Variants in TRHDE observed in about 807,000 individuals in gnomAD.
The protein encoded by TRHDE is thyrotropin-releasing hormone-degrading ectoenzyme.
TRHDE carries 72 observed loss-of-function variants against 125.7 expected under a neutral mutation model. The observed-to-expected ratio is 0.57, with a 90% confidence interval of 0.47 to 0.70. The LOEUF is 0.70. TRHDE is among the 30% of genes least tolerant of loss of function. TRHDE has a pLI of 0.00. For synonymous variants in TRHDE, 509 were observed against 509.1 expected, an observed-to-expected ratio of 1.00 and a Z score of 0.00; for missense variants, 1,110 against 1,327.1, an observed-to-expected ratio of 0.84 and a Z score of 2.54.
chr12:72,445,352 T>C (rs1408072363), intron 3 of TRHDE, among the ~76,000 whole-genome samples: 1 of 151,890 alleles, frequency 6.6e-6, no homozygotes, highest in East Asian at 1.9e-4. Context: ...GCCCTGTTCA[T>C]AGGTGTATTT....
chr12:72,638,978 G>C (rs1483114051), intron 15 of TRHDE, among the ~76,000 whole-genome samples: 1 of 151,312 alleles, frequency 6.6e-6, no homozygotes, highest in Non-Finnish European at 1.5e-5. Flanking sequence ...TGACAATTAT[G>C]TGTCTTGGAG....
intron 2 of TRHDE, among the ~76,000 whole-genome samples, chr12:72,187,310 A>AACACAC (rs59164233): frequency 0.03 from 3,873 of 131,260 alleles, 77 homozygotes; most frequent in East Asian, 0.039. Flanking sequence ...AGAGAAACAC[A>AACACAC]ACACACACAC....
chr12:72,532,611 T>C lies in TRHDE; in HGVS notation c.1723-9680T>C, dbSNP rs184449391. On this transcript the variant is annotated intron_variant, in intron 6 of 18. Transcript: ENST00000261180. ...TCTTATTATTTTGAATAAGAATGAA[T>C]GAATGCTAAGTAATATTAAATGGTT... Among the ~76,000 whole-genome samples the C allele has an allele frequency of 2.1e-3, 325 of 151,448 alleles. 2 individuals are homozygous for C. Among genetic ancestry groups the C allele is most frequent in the African/African-American group, 7.5e-3 (313 of 41,520 alleles).
intron 15 of TRHDE, among the ~76,000 whole-genome samples, chr12:72,635,978 C>T (rs1308303212): frequency 5.4e-4 from 80 of 149,340 alleles, no homozygotes; most frequent in African/African-American, 1.6e-3. Context: ...ATTGACTTGG[C>T]GATGTGGGCT....
Position 72,667,261 on chromosome 12 carries a change from T to C in TRHDE, c.*4066T>C, listed in dbSNP as rs1428548541. On this transcript the variant is annotated 3_prime_UTR_variant, in exon 19 of 19. Coordinates refer to ENST00000261180, the MANE Select transcript of TRHDE (RefSeq NM_013381.3). ...CCTGGGTACTCTCATGAAGTAACCA[T>C]GTACACCTAATAAAGAAATAGTAAA... 1 of 151,892 alleles carries C rather than the reference T, an allele frequency of 6.6e-6. No individual in the cohort carries two copies. Among genetic ancestry groups the C allele is most frequent in the Non-Finnish European group, 1.5e-5 (1 of 67,870 alleles). The allele number at this position is 151,892 out of a possible 1,614,324, so 9.4% of individuals were successfully genotyped here.
rs559928828 is a variant in TRHDE at position 72,156,237 on chromosome 12, A to T, written n.279+50485A>T. On this transcript the variant is annotated intron_variant and non_coding_transcript_variant, in intron 2 of 4. Coordinates refer to the TRHDE transcript ENST00000548156. ...TCCTGGTGTGCCGTTTGCTAAGATC[A>T]TTGGAAAAGCACAGTATTAGGGTGG... Among the ~76,000 whole-genome samples the T allele has an allele frequency of 2.8e-3, 420 of 152,292 alleles. 1 individual carries two copies. The highest frequency in any genetic ancestry group is 9.7e-3 in the African/African-American group (402 of 41,570).
chr12:72,600,474 A>C (rs551947378), intron 12 of TRHDE, among the ~76,000 whole-genome samples: 1 of 151,664 alleles, frequency 6.6e-6, no homozygotes, highest in South Asian at 2.1e-4. Flanking sequence ...CTTTCACCTT[A>C]TTGGCTAGAG....
intron 12 of TRHDE, among the ~76,000 whole-genome samples, chr12:72,604,544 G>A (rs1384063753): frequency 6.6e-6 from 1 of 151,680 alleles, no homozygotes; most frequent in African/African-American, 2.4e-5. Context: ...TTGTATCAGT[G>A]GTTCTCTTAC....
chr12:72,636,715 A>G (rs903713552), intron 15 of TRHDE, among the ~76,000 whole-genome samples: 1 of 152,048 alleles, frequency 6.6e-6, no homozygotes, highest in African/African-American at 2.4e-5. Flanking sequence ...TAGCATGAAG[A>G]GTTGTTGAAT....
At chr12:72,440,299 G>T (rs752776927) in intron 3 of TRHDE, among the ~76,000 whole-genome samples, 21 of 151,790 alleles carry the variant, frequency 1.4e-4, no homozygotes, top group Non-Finnish European at 2.2e-4. Context: ...ACTTTGAGAA[G>T]AATTAGTATT....
intron 3 of TRHDE, among the ~76,000 whole-genome samples, chr12:72,411,734 C>G (rs1281421900): frequency 6.6e-6 from 1 of 151,960 alleles, no homozygotes; most frequent in African/African-American, 2.4e-5. Flanking sequence ...TATCAGGTAT[C>G]AAAACATATT....
chr12:72,474,292 T>C (rs2135903927), intron 5 of TRHDE, among the ~76,000 whole-genome samples: 1 of 152,266 alleles, frequency 6.6e-6, no homozygotes, highest in Non-Finnish European at 1.5e-5. Context: ...GAACACAACA[T>C]AAGATCTGCC....
chr12:72,188,189 C>T (rs1399432188), intron 2 of TRHDE, among the ~76,000 whole-genome samples: 2 of 152,060 alleles, frequency 1.3e-5, no homozygotes, highest in African/African-American at 4.8e-5. Context: ...GGAGATGGAG[C>T]AAATTAAAGT....
Position 72,273,802 on chromosome 12 carries a change from T to C in TRHDE, c.914+245T>C, listed in dbSNP as rs1268669340. 6.1e-6 allele frequency: 3 copies of C among 490,528 alleles called. No homozygotes were observed. Among genetic ancestry groups the C allele is most frequent in the Non-Finnish European group, 1.1e-5 (3 of 274,408 alleles). The allele number at this position is 490,528 out of a possible 1,614,324, so 30.4% of individuals were successfully genotyped here. ...AAAAGATGAATGCTGCCCCCTCCTC[T>C]AGTCGGGACCTCTCCTCTTCCTGTC... is the stretch of plus-strand genomic sequence containing the variant. On this transcript the variant is annotated intron_variant, in intron 1 of 18. Coordinates refer to ENST00000261180, the MANE Select transcript of TRHDE (RefSeq NM_013381.3). The surrounding 1 kb of genome is among the most constrained non-coding windows in gnomAD (Gnocchi z 5.3).
intron 6 of TRHDE, among the ~76,000 whole-genome samples, chr12:72,517,632 G>A (rs1462345384): frequency 2.0e-5 from 3 of 151,988 alleles, no homozygotes; most frequent in Non-Finnish European, 4.4e-5. Flanking sequence ...GGTTTTTTGT[G>A]TCTCTATGTC....
chr12:72,524,666 A>T (rs539481981), intron 6 of TRHDE, among the ~76,000 whole-genome samples: 1 of 152,280 alleles, frequency 6.6e-6, no homozygotes, highest in African/African-American at 2.4e-5. Context: ...CCATCTGTGT[A>T]AATAATCTCA....
Position 72,513,930 on chromosome 12 carries a change from T to C in TRHDE, c.1722+14295T>C, listed in dbSNP as rs982973559. Among the ~76,000 whole-genome samples the C allele has an allele frequency of 5.3e-4, 80 of 152,194 alleles. 1 individual carries two copies. Among genetic ancestry groups the C allele is most frequent in the African/African-American group, 1.7e-3 (70 of 41,534 alleles). On this transcript the variant is annotated intron_variant, in intron 6 of 18. Coordinates refer to ENST00000261180, the MANE Select transcript of TRHDE (RefSeq NM_013381.3). Reference sequence around the variant, plus strand: ...CCATCCTCAGGGGACTACAAAGAAATTACCTGTTCCAAACTTTGGCAGCAA... The same window carrying C: ...CCATCCTCAGGGGACTACAAAGAAACTACCTGTTCCAAACTTTGGCAGCAA...
intron 2 of TRHDE, among the ~76,000 whole-genome samples, chr12:72,211,803 T>G (rs1293819887): frequency 1.3e-5 from 2 of 152,162 alleles, no homozygotes; most frequent in Non-Finnish European, 2.9e-5. Context: ...TAAAGCTAAT[T>G]TACCCTGTAG....
intron 4 of TRHDE, among the ~76,000 whole-genome samples, chr12:72,470,795 C>T (rs191245678): frequency 6.8e-6 from 1 of 147,670 alleles, no homozygotes; most frequent in East Asian, 2.0e-4. Flanking sequence ...CAGTTAAATG[C>T]TGATAAATGA....
Sources: allele counts gnomAD v4.1 joint callset (sites outside exome capture counted in the v4.1 genomes callset), GRCh38; gene constraint gnomAD v4.1.1; non-coding constraint Gnocchi (gnomAD v3.1); transcripts MANE v1.5; gene names NCBI Gene and HGNC (gene_info 2026-07-23, HGNC 2026-07-21).